LSM12: variants seen among roughly 807,000 people sequenced by gnomAD.
The protein encoded by LSM12 is protein LSM12.
For missense variants in LSM12, 108 were observed against 238.9 expected (o/e 0.45, Z 3.61); for synonymous variants, 74 against 87.3 (o/e 0.85, Z 0.85).
In LSM12 at chr17:44,047,256, C is replaced by CT. The variant is rs540389974; in HGVS notation, c.259-7001dup. 4.6e-5 allele frequency among the ~76,000 whole-genome samples: 7 copies of CT among 151,852 alleles called. No homozygotes were observed. In the South Asian group the frequency reaches 1.0e-3, roughly 23 times the overall value. ...TTTTGCCCATTTTTAATTGGACTGTCTTTTTTTTGAGATGGAGTCTTGCTC... is the reference window on the plus strand; with the variant it reads ...TTTTGCCCATTTTTAATTGGACTGTCTTTTTTTTTGAGATGGAGTCTTGCTC... On this transcript the variant is annotated intron_variant, in intron 2 of 4. Transcript: ENST00000293406.
chr17:44,060,375 T>C (rs1205062019), intron 2 of LSM12, among the ~76,000 whole-genome samples: 1 of 152,154 alleles, frequency 6.6e-6, no homozygotes, highest in Admixed American at 6.6e-5. Context: ...AACATGTTAA[T>C]AGCTGCCCGA....
chr17:44,050,013 G>A (rs952406969), intron 2 of LSM12, among the ~76,000 whole-genome samples: 15 of 152,232 alleles, frequency 9.9e-5, no homozygotes, highest in Non-Finnish European at 2.2e-4. Flanking sequence ...TGGCAGACCA[G>A]AGTGGCAAAG....
intron 2 of LSM12, among the ~76,000 whole-genome samples, chr17:44,053,670 A>G (rs1297988923): frequency 6.6e-6 from 1 of 152,214 alleles, no homozygotes; most frequent in Non-Finnish European, 1.5e-5. Flanking sequence ...ATTCATTAAC[A>G]GCACAGTTGG....
chr17:44,050,768 G>A (rs959232874), intron 2 of LSM12, among the ~76,000 whole-genome samples: 3 of 152,014 alleles, frequency 2.0e-5, no homozygotes, highest in Non-Finnish European at 2.9e-5. Context: ...TGATCTGCCC[G>A]CTTCAGCCTC....
chr17:44,055,507 CAA>C (rs893366294), intron 2 of LSM12, among the ~76,000 whole-genome samples: 5 of 64,998 alleles, frequency 7.7e-5, no homozygotes, highest in Admixed American at 1.6e-4. Context: ...ACCAAAAATA[CAA>C]AAAAAAAAAA....
intron 2 of LSM12, among the ~76,000 whole-genome samples, chr17:44,051,999 C>T (rs2631293): frequency 0.77 from 116,845 of 151,910 alleles, 46,146 homozygotes; most frequent in South Asian, 0.94. Context: ...TCCCAGCTAC[C>T]TGGGAGGCTG....
chr17:44,047,638 C>T (rs2049587639), intron 2 of LSM12, among the ~76,000 whole-genome samples: 1 of 152,074 alleles, frequency 6.6e-6, no homozygotes, highest in Non-Finnish European at 1.5e-5. Context: ...TCATGGCTCA[C>T]TGCAGCCTTG....
chr17:44,034,359 C>T lies in LSM12; in HGVS notation c.*1849G>A, dbSNP rs918406158. On this transcript the variant is annotated 3_prime_UTR_variant, in exon 5 of 5. Transcript: ENST00000293406. ...GGATCTGAAAGTTTACTTCTCAGCT[C>T]GCCGACCATTTGTGCCTCCAAACAG... Among the ~76,000 whole-genome samples, 1 of 152,088 alleles carries T rather than the reference C, an allele frequency of 6.6e-6. No homozygotes were observed. Among genetic ancestry groups the T allele is most frequent in the Non-Finnish European group, 1.5e-5 (1 of 68,030 alleles).
intron 1 of LSM12, among the ~76,000 whole-genome samples, chr17:44,064,195 G>A (rs544136115): frequency 1.3e-5 from 2 of 152,252 alleles, no homozygotes; most frequent in South Asian, 2.1e-4. Flanking sequence ...GATTTAATGC[G>A]TTTGTCTTGA....
At chr17:44,041,368 C>T (rs1432376452) in intron 2 of LSM12, among the ~76,000 whole-genome samples, 2 of 145,206 alleles carry the variant, frequency 1.4e-5, no homozygotes, top group Non-Finnish European at 3.0e-5. Context: ...CCATTCAAGG[C>T]GAAAATTAAG....
Position 44,042,665 on chromosome 17 carries a change from C to T in LSM12, c.259-2409G>A, listed in dbSNP as rs567539016. Among the ~76,000 whole-genome samples, 24 of 151,820 alleles carry T rather than the reference C, an allele frequency of 1.6e-4. No homozygotes were observed. In the East Asian group the frequency reaches 3.5e-3, roughly 22 times the overall value. ...CTGCAAGCTCCACCTCCCAGGTTCA[C>T]GTCATTCTCCTGCCTCAGCCTCCCG... On this transcript the variant is annotated intron_variant, in intron 2 of 4. Transcript: ENST00000293406.
intron 2 of LSM12, among the ~76,000 whole-genome samples, chr17:44,058,732 T>C (rs997474880): frequency 7.2e-5 from 11 of 152,198 alleles, no homozygotes; most frequent in African/African-American, 2.6e-4. Context: ...CTTAGGAGGC[T>C]GAGGCAGGAG....
intron 1 of LSM12, among the ~76,000 whole-genome samples, chr17:44,065,129 G>A (rs1459068956): frequency 6.9e-6 from 1 of 145,510 alleles, no homozygotes; most frequent in Non-Finnish European, 1.5e-5. Context: ...GTGAAACTCC[G>A]TCTCAAAAAA....
chr17:44,046,119 T>C (rs1259782525), intron 2 of LSM12, among the ~76,000 whole-genome samples: 1 of 150,860 alleles, frequency 6.6e-6, no homozygotes, highest in East Asian at 2.0e-4. Flanking sequence ...GTATTTTTAG[T>C]AGAGACAGGG....
chr17:44,042,546 CCCG>C (rs1292395845), intron 2 of LSM12, among the ~76,000 whole-genome samples: 95 of 146,638 alleles, frequency 6.5e-4, no homozygotes, highest in Non-Finnish European at 3.0e-5. Flanking sequence ...ATTACAGGTG[CCCG>C]CCACCACCCC....
chr17:44,053,222 C>T (rs1239124262), intron 2 of LSM12, among the ~76,000 whole-genome samples: 1 of 152,182 alleles, frequency 6.6e-6, no homozygotes, highest in African/African-American at 2.4e-5. Context: ...TTCAGCCAAC[C>T]ACTTGTCTTA....
upstream of LSM12, chr17:44,066,778 A>C: frequency 1.5e-6 from 1 of 675,430 alleles, no homozygotes. Flanking sequence ...GAATCTGAAA[A>C]GTATTTGTAT....
At position 44,035,686 on chromosome 17, in the gene LSM12, A is replaced by G. The variant is rs1201341146; in HGVS notation, c.*522T>C. On this transcript the variant is annotated 3_prime_UTR_variant, in exon 5 of 5. Transcript: ENST00000293406. ...CAAGCCATGCCCTGTGCAAAAAAAA[A>G]AAAAAAAAGAAAAAAGAAAAAAAAA... 1 of 141,770 alleles carries G rather than the reference A, an allele frequency of 7.1e-6. No individual in the cohort carries two copies. The highest frequency in any genetic ancestry group is 1.5e-5 in the Non-Finnish European group (1 of 65,784). 8.8% of individuals were successfully genotyped at this position (141,770 alleles called of 1,614,324 possible).
chr17:44,051,377 G>A (rs940182087), intron 2 of LSM12, among the ~76,000 whole-genome samples: 13 of 138,716 alleles, frequency 9.4e-5, no homozygotes, highest in East Asian at 2.2e-4. Context: ...GCGACAGAGC[G>A]AGACTCCGTC....
Sources: allele counts gnomAD v4.1 joint callset (sites outside exome capture counted in the v4.1 genomes callset), GRCh38; gene constraint gnomAD v4.1.1; transcripts MANE v1.5; gene names NCBI Gene and HGNC (gene_info 2026-07-23, HGNC 2026-07-21).